Variants in ABLIM1 observed in about 807,000 individuals in gnomAD.
ABLIM1 encodes actin binding LIM protein 1.
In ABLIM1, 40 loss-of-function variants were observed where a neutral mutation model predicts 107.0. The ratio of observed to expected loss-of-function variants is 0.37; its 90% CI spans 0.29 to 0.49. The LOEUF (loss-of-function observed/expected upper bound fraction) is 0.49, where lower values mean the gene tolerates loss of function less well. Among genes scored for constraint, ABLIM1 ranks in the 20% least tolerant of loss-of-function variants. The pLI is 0.97. For missense variants in ABLIM1, 857 were observed against 1,008.5 expected (o/e 0.85, Z 2.04); for synonymous variants, 357 against 357.3 (o/e 1.00, Z 0.01).
At chr10:114,577,727 T>C (rs1238145621) in intron 2 of ABLIM1, among the ~76,000 whole-genome samples, 1 of 152,192 alleles carries the variant, frequency 6.6e-6, no homozygotes, top group Admixed American at 6.5e-5. Context: ...CTGTGCCTTA[T>C]TATGATTTGA....
At chr10:114,546,844 G>A (rs146312502) in intron 5 of ABLIM1, among the ~76,000 whole-genome samples, 209 of 152,214 alleles carry the variant, frequency 1.4e-3, no homozygotes, top group Admixed American at 3.0e-3. Context: ...GCAGTGGTGC[G>A]ATAATAGTTC....
chr10:114,554,117 C>T (rs113980088), intron 4 of ABLIM1, among the ~76,000 whole-genome samples: 2,205 of 152,270 alleles, frequency 0.014, 24 homozygotes, highest in Middle Eastern at 0.027. Context: ...TATTCCCCAT[C>T]CCAACTAAAA....
chr10:114,570,761 A>G (rs996798874), intron 4 of ABLIM1, among the ~76,000 whole-genome samples: 6 of 152,018 alleles, frequency 3.9e-5, no homozygotes, highest in African/African-American at 9.7e-5. Context: ...GACGTGCACT[A>G]TCATACACAG....
At chr10:114,631,782 T>C (rs989095102) in intron 1 of ABLIM1, 2 of 1,077,168 alleles carry the variant, frequency 1.9e-6, no homozygotes, top group African/African-American at 3.4e-5. Context: ...AATACGGAGC[T>C]TCTCACACCG....
At chr10:114,798,565 C>G in the ABLIM1 span, among the ~76,000 whole-genome samples, 145 of 146,998 alleles carry the variant, frequency 9.9e-4, no homozygotes, top group Middle Eastern at 7.1e-3. Context: ...GACCCCCCCC[C>G]CATGTCTACA....
intron 19 of ABLIM1, chr10:114,440,723 A>C: frequency 2.1e-6 from 1 of 484,898 alleles, no homozygotes; most frequent in South Asian, 1.8e-5. Context: ...AGCCTCCCAA[A>C]GTGTTGGGAT....
chr10:114,601,084 A>G lies in ABLIM1; in HGVS notation c.379+743T>C, dbSNP rs199922852. On this transcript the variant is annotated intron_variant, in intron 2 of 22. Coordinates refer to ENST00000533213, the MANE Select transcript of ABLIM1 (RefSeq NM_002313.7). ...CACACACACACACACACACACACAC[A>G]CACACACACACACACACACACAGAA... 1.8e-3 allele frequency among the ~76,000 whole-genome samples: 263 copies of G among 145,578 alleles called. 7 individuals are homozygous for G. The East Asian group carries it at 0.046, about 25-fold the overall frequency.
chr10:114,658,274 C>T lies in ABLIM1; in HGVS notation c.-74G>A. ...GAGCGGTGCTGCCCCACAATTCTCTCTGTTCCCCTGGCTCCTTACTGTCTC... is the reference window on the plus strand; with the variant it reads ...GAGCGGTGCTGCCCCACAATTCTCTTTGTTCCCCTGGCTCCTTACTGTCTC... On this transcript the variant is annotated 5_prime_UTR_variant, in exon 1 of 23. Coordinates refer to ENST00000533213, the MANE Select transcript of ABLIM1 (RefSeq NM_002313.7). 1 of 1,527,694 alleles carries T rather than the reference C, an allele frequency of 6.5e-7. No individual in the cohort carries two copies. The highest frequency in any genetic ancestry group is 8.8e-7 in the Non-Finnish European group (1 of 1,137,154). 94.6% of individuals were successfully genotyped at this position (1,527,694 alleles called of 1,614,324 possible). A position where few individuals can be genotyped will look rare whatever the true frequency, so the allele number is the denominator to read the frequency against.
At chr10:114,625,144 G>A (rs2077708162) in intron 1 of ABLIM1, among the ~76,000 whole-genome samples, 2 of 152,168 alleles carry the variant, frequency 1.3e-5, no homozygotes, top group South Asian at 2.1e-4. Flanking sequence ...GGCTTTTGAA[G>A]TTAAGACAAA....
At chr10:114,490,915 C>T (rs192974110) in intron 7 of ABLIM1, among the ~76,000 whole-genome samples, 141 of 149,666 alleles carry the variant, frequency 9.4e-4, no homozygotes, top group African/African-American at 3.3e-3. Flanking sequence ...GCTATCCTCC[C>T]GCCTCTGCCT....
intron 2 of ABLIM1, among the ~76,000 whole-genome samples, chr10:114,583,564 C>A (rs1368259997): frequency 6.9e-6 from 1 of 144,342 alleles, no homozygotes. Flanking sequence ...AGTTTGGAGA[C>A]TTTTCAAAGA....
chr10:114,593,470 A>G (rs2139685779), intron 2 of ABLIM1, among the ~76,000 whole-genome samples: 1 of 152,300 alleles, frequency 6.6e-6, no homozygotes, highest in African/African-American at 2.4e-5. Flanking sequence ...CCTTGGGGCA[A>G]CATTAGTAGG....
chr10:114,790,504 T>C, the ABLIM1 span, among the ~76,000 whole-genome samples: 1 of 152,232 alleles, frequency 6.6e-6, no homozygotes, highest in Non-Finnish European at 1.5e-5. Context: ...CTATATAATT[T>C]TCAAGGCCCT....
At chr10:114,533,245 G>A (rs1270163151) in intron 6 of ABLIM1, among the ~76,000 whole-genome samples, 1 of 152,134 alleles carries the variant, frequency 6.6e-6, no homozygotes, top group Non-Finnish European at 1.5e-5. Context: ...GGAGGCTGAA[G>A]CAGGAGAATT....
At chr10:114,655,106 G>T (rs749296603) in intron 1 of ABLIM1, among the ~76,000 whole-genome samples, 20 of 152,178 alleles carry the variant, frequency 1.3e-4, no homozygotes, top group Non-Finnish European at 2.1e-4. Context: ...TGCATTCCCT[G>T]CCTACCTTAG....
At chr10:114,630,384 G>C (rs977874858) in intron 1 of ABLIM1, among the ~76,000 whole-genome samples, 2 of 152,100 alleles carry the variant, frequency 1.3e-5, no homozygotes, top group East Asian at 1.9e-4. Context: ...AGGGTTCCTG[G>C]AAGCACCCCC....
intron 1 of ABLIM1, among the ~76,000 whole-genome samples, chr10:114,639,352 A>G (rs1566157516): frequency 6.6e-6 from 1 of 152,238 alleles, no homozygotes; most frequent in East Asian, 1.9e-4. Context: ...TTAAGATAAA[A>G]GCAGAAGTCC....
intron 7 of ABLIM1, 28 bp from the exon 8 acceptor site, chr10:114,488,044 G>A: frequency 6.2e-7 from 1 of 1,612,990 alleles, no homozygotes; most frequent in Non-Finnish European, 8.5e-7. Context: ...ACTACTAAGA[G>A]CCAGGAAAAT....
intron 8 of ABLIM1, among the ~76,000 whole-genome samples, chr10:114,475,485 A>C (rs1165386143): frequency 6.6e-6 from 1 of 151,872 alleles, no homozygotes; most frequent in Non-Finnish European, 1.5e-5. Context: ...GCCCTCATAG[A>C]GTTTATTTTT....
Sources: gnomAD v4.1 joint callset for allele counts (sites outside exome capture counted in the v4.1 genomes callset) on GRCh38, gnomAD v4.1.1 for gene constraint, MANE v1.5 for transcripts, NCBI Gene and HGNC (gene_info 2026-07-23, HGNC 2026-07-21) for gene names.